Variants in SSBP4 observed in about 807,000 individuals in gnomAD.
SSBP4 encodes the protein single stranded DNA binding protein 4, also known as single-stranded DNA-binding protein 4.
Under a neutral mutation model 64.6 loss-of-function variants are expected in SSBP4, and 33 were observed. The observed-to-expected ratio is 0.51, with a 90% CI of 0.39 to 0.68. SSBP4 has a LOEUF of 0.68. SSBP4 is among the 30% of genes least tolerant of loss of function. SSBP4 has a pLI of 0.00. For synonymous variants in SSBP4, 243 were observed against 224.0 expected, an observed-to-expected ratio of 1.08 and a Z score of -0.76; for missense variants, 583 against 566.8, an observed-to-expected ratio of 1.03 and a Z score of -0.29.
At chr19:18,408,395 C>T in the SSBP4 span, among the ~76,000 whole-genome samples, 1 of 152,146 alleles carries the variant, frequency 6.6e-6, no homozygotes, top group Non-Finnish European at 1.5e-5. Context: ...GCAGGGCTCC[C>T]CTTCCCTTCC....
chr19:18,408,591 C>T, the SSBP4 span, among the ~76,000 whole-genome samples: 2 of 151,406 alleles, frequency 1.3e-5, no homozygotes, highest in Non-Finnish European at 2.9e-5. Context: ...CCCCCAGGTT[C>T]AAGTGATTCT....
At chr19:18,433,941 G>A (rs1973761067) in intron 17 of SSBP4, 124 bp downstream of exon 17, 2 of 1,244,314 alleles carry the variant, frequency 1.6e-6, no homozygotes, top group Non-Finnish European at 2.0e-6. Flanking sequence ...AGGTGGGGGG[G>A]CGGCCGCGGC....
intron 5 of SSBP4, 77 bp downstream of exon 5, chr19:18,431,007 G>A (rs926513124): frequency 2.7e-4 from 413 of 1,519,690 alleles, no homozygotes; most frequent in Admixed American, 4.5e-4. Context: ...GTCCCACGTG[G>A]GCAGAGGTCA....
At chr19:18,433,345 C>T in intron 15 of SSBP4, 132 bp downstream of exon 15, 1 of 1,320,272 alleles carries the variant, frequency 7.6e-7, no homozygotes, top group African/African-American at 1.5e-5. Flanking sequence ...GGGGGCCGCT[C>T]AGTGACAGGG....
chr19:18,431,749 G>A (rs1361281199), intron 7 of SSBP4, 43 bp downstream of exon 7: 1 of 1,540,372 alleles, frequency 6.5e-7, no homozygotes, highest in Non-Finnish European at 8.8e-7. Flanking sequence ...GCTGGGCCGG[G>A]GAGGGAGCAC....
At chr19:18,431,309 G>A (rs1426439038) in intron 5 of SSBP4, 44 bp from the exon 6 acceptor site, 2 of 570,704 alleles carry the variant, frequency 3.5e-6, no homozygotes, top group East Asian at 3.3e-5. Flanking sequence ...GCCAAACCCA[G>A]TAGGGCCTCA....
chr19:18,430,497 C>T (rs1270375171), intron 4 of SSBP4, among the ~76,000 whole-genome samples: 5 of 152,154 alleles, frequency 3.3e-5, no homozygotes, highest in Non-Finnish European at 7.4e-5. Context: ...TTCAGGGAGG[C>T]TCTTGAAACT....
At chr19:18,433,444 T>A in intron 15 of SSBP4, 141 bp from the exon 16 acceptor site, 2 of 1,435,308 alleles carry the variant, frequency 1.4e-6, no homozygotes, top group Admixed American at 4.0e-5. Flanking sequence ...CCACCTGGCC[T>A]CAGTCCCGGG....
In SSBP4 at chr19:18,434,396, C is replaced by A. The variant is rs569266405; in HGVS notation, c.*150C>A. The A allele has an allele frequency of 1.8e-5, 25 of 1,367,132 alleles. No individual in the cohort carries two copies. In the Admixed American group the frequency reaches 6.9e-4, roughly 38 times the overall value. The allele number at this position is 1,367,132 out of a possible 1,614,324, so 84.7% of individuals were successfully genotyped here. A position where few individuals can be genotyped will look rare whatever the true frequency, so the allele number is the denominator to read the frequency against. ...GGAGGCCCCACACGAAAGACTCTTA[C>A]CATTTTATTAAAAACGCAAGGACCT... On this transcript the variant is annotated 3_prime_UTR_variant, in exon 18 of 18. Transcript: ENST00000270061.
intron 1 of SSBP4, among the ~76,000 whole-genome samples, chr19:18,425,568 C>T (rs1444094525): frequency 6.6e-6 from 1 of 152,108 alleles, no homozygotes; most frequent in Non-Finnish European, 1.5e-5. Context: ...GGCCAGGGTG[C>T]CACAGAAGTG....
At chr19:18,422,922 C>T (rs1972557968) in intron 1 of SSBP4, among the ~76,000 whole-genome samples, 1 of 152,258 alleles carries the variant, frequency 6.6e-6, no homozygotes, top group Non-Finnish European at 1.5e-5. Flanking sequence ...CTCTCTGGCC[C>T]CAATCCTGAG....
intron 8 of SSBP4, 43 bp from the exon 9 acceptor site, chr19:18,431,957 G>A: frequency 6.4e-7 from 1 of 1,554,940 alleles, no homozygotes; most frequent in Non-Finnish European, 8.7e-7. Context: ...CCACACTGGG[G>A]AATGGTCCAG....
rs1973433685 is a variant in SSBP4, at chr19:18,432,054, C to T, written c.620C>T (p.Ala207Val). The T allele has an allele frequency of 1.3e-6, 2 of 1,588,668 alleles. No individual in the cohort carries two copies. The highest frequency in any genetic ancestry group is 1.3e-5 in the African/African-American group (1 of 74,618). The change falls in exon 9 of 18, where the codon GCC becomes GTC. Residue 207 changes from alanine (A) to valine (V), a missense_variant. Around this residue, in one of 5 missense-constraint regions of SSBP4, gnomAD observed 444 missense variants for 386.6 expected, o/e 1.15. Transcript: ENST00000270061. The stretch of plus-strand genomic sequence containing the variant: ...AGGGTGACGCCTCCTCGTGGCATGG[C>T]CAGCGTGGGGCCCCAGGTAAGAGTG... The part of the protein sequence containing the change: ...MQRVTPPRGM[A>V]SVGPQSYGGG...
Position 18,419,520 on chromosome 19 carries a change from A to T in SSBP4, c.-129A>T. The T allele has an allele frequency of 8.9e-7, 1 of 1,117,708 alleles. No homozygotes were observed. The allele number at this position is 1,117,708 out of a possible 1,614,324, so 69.2% of individuals were successfully genotyped here. On this transcript the variant is annotated 5_prime_UTR_variant, in exon 1 of 18. An upstream start codon of the reference 5' UTR is lost. Transcript: ENST00000270061. ...CGTCTGGAGCTCCCCCGCGCGGACG[A>T]TGCCTGCCGTGCCCGCCTGGGGCTC...
chr19:18,433,635 C>T (rs1472158636), intron 16 of SSBP4, 22 bp downstream of exon 16: 7 of 774,036 alleles, frequency 9.0e-6, no homozygotes, highest in Admixed American at 9.7e-5. Context: ...GCGCTCTTGC[C>T]GGGGGTGGGA....
the SSBP4 span, among the ~76,000 whole-genome samples, chr19:18,404,393 C>T: frequency 1.3e-5 from 2 of 150,784 alleles, no homozygotes; most frequent in South Asian, 2.1e-4. Flanking sequence ...CAGGAGTTCA[C>T]GACCAGCCTG....
Position 18,430,900 on chromosome 19 carries a change from C to T in SSBP4, c.339C>T (p.Ala113=), listed in dbSNP as rs756961569. ...MGSMAPGDTM[A]AGSMAAGFFQ... is the part of the protein sequence containing the mutation. The stretch of plus-strand genomic sequence containing the variant: ...GTATGGCCCCAGGTGACACAATGGC[C>T]GCAGGCTCCATGGCGGCTGGCTTCT... Residue 113 remains alanine (A), a synonymous_variant, in exon 5 of 18, where the codon GCC becomes GCT. Coordinates refer to ENST00000270061, the MANE Select transcript of SSBP4 (RefSeq NM_032627.5). The T allele has an allele frequency of 8.1e-6, 13 of 1,613,278 alleles. No individual in the cohort carries two copies. The highest frequency in any genetic ancestry group is 2.2e-5 in the East Asian group (1 of 44,866).
upstream of SSBP4, among the ~76,000 whole-genome samples, chr19:18,413,972 G>A (rs1320442209): frequency 2.0e-5 from 3 of 152,118 alleles, no homozygotes; most frequent in East Asian, 5.8e-4. Context: ...AGCCGAGATT[G>A]TGCCACTGCA....
chr19:18,416,299 G>A (rs1972130019), upstream of SSBP4, among the ~76,000 whole-genome samples: 1 of 152,170 alleles, frequency 6.6e-6, no homozygotes. Flanking sequence ...ACAGGCATGA[G>A]CCACCGCGCC....
Sources: gnomAD v4.1 joint callset for allele counts (sites outside exome capture counted in the v4.1 genomes callset) on GRCh38, gnomAD v4.1.1 for gene constraint, gnomAD v4.1.1 regional missense constraint, MANE v1.5 for transcripts, NCBI Gene and HGNC (gene_info 2026-07-23, HGNC 2026-07-21) for gene names.